The following NSL1 variants were observed in gnomAD, a reference collection of about 807,000 sequenced individuals.
NSL1 encodes kinetochore-associated protein NSL1 homolog.
Under a neutral mutation model 25.4 loss-of-function variants are expected in NSL1, and 11 were observed. That is an observed-to-expected ratio of 0.43 (90% confidence interval 0.27 to 0.72). The LOEUF is 0.72. Among genes scored for constraint, NSL1 ranks in the 30% least tolerant of loss-of-function variants. NSL1 has a pLI of 0.19. For missense variants in NSL1, 330 were observed against 342.7 expected, an observed-to-expected ratio of 0.96 and a Z score of 0.29; for synonymous variants, 118 against 120.6, an observed-to-expected ratio of 0.98 and a Z score of 0.14.
chr1:212,788,180 A>C (rs1199890382), intron 1 of NSL1, among the ~76,000 whole-genome samples: 1 of 152,244 alleles, frequency 6.6e-6, no homozygotes, highest in African/African-American at 2.4e-5. Context: ...TTGGGAAGCC[A>C]AGGCAAGAGG....
chr1:212,737,810 A>G lies in NSL1; in HGVS notation c.*598T>C. On this transcript the variant is annotated 3_prime_UTR_variant, in exon 6 of 6. Coordinates refer to ENST00000366977, the MANE Select transcript of NSL1 (RefSeq NM_015471.4). ...GAGTAATGTTGCACAAATAATAGTT[A>G]TCATTGTCTTACACAACAAAAAATC... is the stretch of plus-strand genomic sequence containing the variant. The G allele has an allele frequency of 2.0e-6, 2 of 985,460 alleles. No individual in the cohort carries two copies. The highest frequency in any genetic ancestry group is 2.4e-6 in the Non-Finnish European group (2 of 829,914). 61.0% of individuals were successfully genotyped at this position (985,460 alleles called of 1,614,324 possible).
chr1:212,786,014 T>G (rs1660925442), intron 2 of NSL1, among the ~76,000 whole-genome samples: 1 of 152,046 alleles, frequency 6.6e-6, no homozygotes, highest in Non-Finnish European at 1.5e-5. Context: ...GCACCCTTTT[T>G]TTCCTTTTTC....
At chr1:212,756,405 C>T (rs991783134) in intron 4 of NSL1, among the ~76,000 whole-genome samples, 14 of 152,166 alleles carry the variant, frequency 9.2e-5, no homozygotes, top group African/African-American at 3.1e-4. Flanking sequence ...CCACTGCATC[C>T]GGCCGACTTT....
In NSL1 at chr1:212,746,854, T is replaced by G. The variant is rs572122823; in HGVS notation, c.500-7253A>C. Among the ~76,000 whole-genome samples, 8 of 152,334 alleles carry G rather than the reference T, an allele frequency of 5.3e-5. No homozygotes were observed. In the South Asian group the frequency reaches 1.7e-3, roughly 32 times the overall value. ...TCCATATGTGTGGTAGTCTTCAAGA[T>G]GGCCCCTGTGGCCAGGTGCGGTGGC... is the stretch of plus-strand genomic sequence containing the variant. On this transcript the variant is annotated intron_variant, in intron 4 of 5. Transcript: ENST00000366977.
chr1:212,776,731 ACAAC>A (rs1432272026), intron 4 of NSL1, among the ~76,000 whole-genome samples: 4 of 150,040 alleles, frequency 2.7e-5, no homozygotes, highest in African/African-American at 7.4e-5. Flanking sequence ...AACAACAACA[ACAAC>A]AACAAAAAAA....
In NSL1 at chr1:212,729,896, G is replaced by A. The variant is rs1168872368; in HGVS notation, c.*8512C>T. 1.0e-6 allele frequency: 1 copy of A among 985,200 alleles called. No homozygotes were observed. The highest frequency in any genetic ancestry group is 1.2e-6 in the Non-Finnish European group (1 of 829,910). The allele number at this position is 985,200 out of a possible 1,614,324, so 61.0% of individuals were successfully genotyped here. A position where few individuals can be genotyped will look rare whatever the true frequency, so the allele number is the denominator to read the frequency against. On this transcript the variant is annotated 3_prime_UTR_variant, in exon 6 of 6. Transcript: ENST00000366977. ...GACCCAGGCAGCAAGGACCCTGAGG[G>A]GGCAGGTAACCAGAAGCTGCCTTGT...
At chr1:212,777,808 G>A (rs181566114) in intron 4 of NSL1, among the ~76,000 whole-genome samples, 53 of 152,256 alleles carry the variant, frequency 3.5e-4, no homozygotes, top group Admixed American at 3.5e-3. Context: ...CTTAAATATG[G>A]GTGGTGGGAA....
At chr1:212,791,454 G>T in intron 1 of NSL1, 76 bp downstream of exon 1, 1 of 1,348,412 alleles carries the variant, frequency 7.4e-7, no homozygotes, top group Non-Finnish European at 1.0e-6. Flanking sequence ...CCTGGCGTGG[G>T]ATCTTTCTGA....
intron 4 of NSL1, among the ~76,000 whole-genome samples, chr1:212,745,160 C>CAAACAAACTA (rs1268799355): frequency 2.5e-5 from 3 of 117,688 alleles, no homozygotes; most frequent in South Asian, 2.7e-4. Context: ...AACAAACAAA[C>CAAACAAACTA]TATATATATA....
At position 212,733,643 on chromosome 1, in the gene NSL1, A is replaced by G. The variant is rs1169653353; in HGVS notation, c.*4765T>C. Among the ~76,000 whole-genome samples, 1 of 152,204 alleles carries G rather than the reference A, an allele frequency of 6.6e-6. No homozygotes were observed. The highest frequency in any genetic ancestry group is 1.5e-5 in the Non-Finnish European group (1 of 68,032). ...ACTTGGCATGTTTTAAGGTTCATCT[A>G]CACTGTGGCATTTACCAGTACCTCA... On this transcript the variant is annotated 3_prime_UTR_variant, in exon 6 of 6. Transcript: ENST00000366977.
intron 1 of NSL1, among the ~76,000 whole-genome samples, chr1:212,790,696 G>A (rs1191162857): frequency 6.6e-6 from 1 of 152,120 alleles, no homozygotes; most frequent in African/African-American, 2.4e-5. Flanking sequence ...CCCAAGGCGG[G>A]CGGATCACGA....
intron 2 of NSL1, among the ~76,000 whole-genome samples, chr1:212,785,279 T>C (rs1660895122): frequency 1.3e-5 from 2 of 152,222 alleles, no homozygotes; most frequent in Admixed American, 6.5e-5. Flanking sequence ...ATATGCTTTT[T>C]CATGTTTTAA....
In NSL1 at chr1:212,737,791, T is replaced by C. The variant is rs1658292359; in HGVS notation, c.*617A>G. On this transcript the variant is annotated 3_prime_UTR_variant, in exon 6 of 6. Transcript: ENST00000366977. ...TGCCAATTTTTATTTCAAAGAGTAA[T>C]GTTGCACAAATAATAGTTATCATTG... 1.0e-6 allele frequency: 1 copy of C among 985,432 alleles called. No homozygotes were observed. Among genetic ancestry groups the C allele is most frequent in the Non-Finnish European group, 1.2e-6 (1 of 829,910 alleles). The allele number at this position is 985,432 out of a possible 1,614,324, so 61.0% of individuals were successfully genotyped here.
At position 212,791,770 on chromosome 1, in the gene NSL1, T is replaced by C. The variant is rs1286376186; in HGVS notation, c.-7A>G. The C allele has an allele frequency of 6.2e-7, 1 of 1,602,746 alleles. No homozygotes were observed. The highest frequency in any genetic ancestry group is 1.7e-5 in the Admixed American group (1 of 58,456). On this transcript the variant is annotated 5_prime_UTR_variant, in exon 1 of 6. Coordinates refer to ENST00000366977, the MANE Select transcript of NSL1 (RefSeq NM_015471.4). ...ACTCAGGAGACCCCGCCATTTTTCGTCGGAACTGTGGGCGGGGCACTCTGG... is the reference window on the plus strand; with the variant it reads ...ACTCAGGAGACCCCGCCATTTTTCGCCGGAACTGTGGGCGGGGCACTCTGG...
intron 1 of NSL1, among the ~76,000 whole-genome samples, chr1:212,787,890 C>G (rs1452745513): frequency 6.6e-6 from 1 of 150,532 alleles, no homozygotes; most frequent in Non-Finnish European, 1.5e-5. Context: ...TATAAACAAA[C>G]AAAAAAAAGT....
At chr1:212,754,559 G>A (rs1242372370) in intron 4 of NSL1, among the ~76,000 whole-genome samples, 2 of 151,806 alleles carry the variant, frequency 1.3e-5, no homozygotes, top group African/African-American at 4.8e-5. Context: ...GGTGGATCAC[G>A]TGAGGTCAGG....
intron 4 of NSL1, among the ~76,000 whole-genome samples, chr1:212,759,716 C>G (rs1008924491): frequency 1.3e-5 from 2 of 152,154 alleles, no homozygotes; most frequent in African/African-American, 4.8e-5. Flanking sequence ...TTGCTGACAT[C>G]CCCACTGCAT....
chr1:212,731,731 T>C lies in NSL1; in HGVS notation c.*6677A>G. On this transcript the variant is annotated 3_prime_UTR_variant, in exon 6 of 6. Coordinates refer to ENST00000366977, the MANE Select transcript of NSL1 (RefSeq NM_015471.4). The stretch of plus-strand genomic sequence containing the variant: ...TTTTTAGACATCCACTGACTTCCAG[T>C]TGTGGTGGGTGAAGATTTCACTCCC... 1 of 985,426 alleles carries C rather than the reference T, an allele frequency of 1.0e-6. No individual in the cohort carries two copies. Among genetic ancestry groups the C allele is most frequent in the Non-Finnish European group, 1.2e-6 (1 of 829,910 alleles). 61.0% of individuals were successfully genotyped at this position (985,426 alleles called of 1,614,324 possible).
intron 4 of NSL1, among the ~76,000 whole-genome samples, chr1:212,777,947 C>G (rs1189546024): frequency 1.3e-5 from 2 of 152,168 alleles, no homozygotes; most frequent in African/African-American, 4.8e-5. Context: ...AAGAGTGAAA[C>G]AAGAAGACCT....
Sources: gnomAD v4.1 joint callset for allele counts (sites outside exome capture counted in the v4.1 genomes callset) on GRCh38, gnomAD v4.1.1 for gene constraint, MANE v1.5 for transcripts, NCBI Gene and HGNC (gene_info 2026-07-23, HGNC 2026-07-21) for gene names.